The following ARHGEF11 variants were observed in gnomAD, a reference collection of about 807,000 sequenced individuals.
ARHGEF11 encodes Rho guanine nucleotide exchange factor 11.
Under a neutral mutation model 193.7 loss-of-function variants are expected in ARHGEF11, and 55 were observed. The observed-to-expected ratio is 0.28, with a 90% CI of 0.23 to 0.36. ARHGEF11 has a LOEUF of 0.36. Among genes scored for constraint, ARHGEF11 ranks in the 10% least tolerant of loss-of-function variants. The pLI, the probability that ARHGEF11 is intolerant of heterozygous loss-of-function variation, is 1.00. For missense variants in ARHGEF11, 1,723 were observed against 2,005.6 expected, an observed-to-expected ratio of 0.86 and a Z score of 2.69; for synonymous variants, 693 against 768.0, an observed-to-expected ratio of 0.90 and a Z score of 1.62.
chr1:156,947,909 G>A lies in ARHGEF11; in HGVS notation c.2201C>T (p.Pro734Leu). ...SLGFCTDTLL[P>L]HLLEDDLGQL... ...GCCCAGATCATCCTCTAGGAGGTGG[G>A]GAAGGAGGGTATCTGTGCAGAACCC... The change falls in exon 25 of 41, where the codon CCC (proline) becomes CTC (leucine). Residue 734 changes from proline (P) to leucine (L), a missense_variant. Physicochemically the swap from Pro to Leu is moderately conservative, Grantham distance 98. Around this residue, in one of 5 missense-constraint regions of ARHGEF11, gnomAD observed 491 missense variants for 654.5 expected, o/e 0.75. Coordinates refer to ENST00000368194, the MANE Select transcript of ARHGEF11 (RefSeq NM_198236.3). 6.2e-7 allele frequency: 1 copy of A among 1,614,086 alleles called. No homozygotes were observed. Among genetic ancestry groups the A allele is most frequent in the Non-Finnish European group, 8.5e-7 (1 of 1,180,016 alleles).
intron 1 of ARHGEF11, among the ~76,000 whole-genome samples, chr1:157,042,422 A>C (rs1249582489): frequency 6.6e-6 from 1 of 152,158 alleles, no homozygotes; most frequent in Non-Finnish European, 1.5e-5. Flanking sequence ...TGGGGCAATG[A>C]AAGAGCTACA....
At chr1:156,979,852 T>G (rs2102407781) in intron 4 of ARHGEF11, among the ~76,000 whole-genome samples, 1 of 152,346 alleles carries the variant, frequency 6.6e-6, no homozygotes, top group East Asian at 1.9e-4. Context: ...TTCATTCACT[T>G]ATTTTTGGTA....
At chr1:156,961,051 C>T (rs1264969348) in intron 14 of ARHGEF11, among the ~76,000 whole-genome samples, 1 of 152,232 alleles carries the variant, frequency 6.6e-6, no homozygotes, top group African/African-American at 2.4e-5. Flanking sequence ...CCTCATTAAC[C>T]CTACTAGCTT....
chr1:156,961,619 G>T, intron 14 of ARHGEF11, 58 bp downstream of exon 14: 1 of 1,486,616 alleles, frequency 6.7e-7, no homozygotes, highest in African/African-American at 1.4e-5. Flanking sequence ...AATTTTCCCT[G>T]CCTCTGAGTA....
At chr1:156,991,715 T>A (rs60703046) in intron 1 of ARHGEF11, among the ~76,000 whole-genome samples, 1,896 of 83,558 alleles carry the variant, frequency 0.023, 68 homozygotes, top group African/African-American at 0.088. Flanking sequence ...AGCTTATTTT[T>A]TTTTTTTTTT....
At chr1:156,957,654 G>T in intron 18 of ARHGEF11, 138 bp downstream of exon 18, 1 of 931,642 alleles carries the variant, frequency 1.1e-6, no homozygotes, top group Non-Finnish European at 1.7e-6. Flanking sequence ...CTGAGTGCTA[G>T]ACTTTCAGGA....
Position 156,948,960 on chromosome 1 carries a change from C to T in ARHGEF11, c.1926-462G>A, listed in dbSNP as rs568700073. On this transcript the variant is annotated intron_variant, in intron 22 of 40. Coordinates refer to ENST00000368194, the MANE Select transcript of ARHGEF11 (RefSeq NM_198236.3). This position sits in a 1 kb window ranked among gnomAD's most constrained non-coding sequence, Gnocchi z 4.2. ...GGGTCAGCTCCCACCTTTAACTCTG[C>T]CTGAGGCGAACCTCTTTTAAGAGGT... is the stretch of plus-strand genomic sequence containing the variant. The T allele has an allele frequency of 3.7e-5, 36 of 985,416 alleles. No individual in the cohort carries two copies. The South Asian group carries it at 5.6e-4, about 15-fold the overall frequency. 61.0% of individuals were successfully genotyped at this position (985,416 alleles called of 1,614,324 possible).
rs1032189702 is a variant in ARHGEF11, at chr1:156,949,148, C to T, written c.1926-650G>A. The T allele has an allele frequency of 3.1e-6, 3 of 981,444 alleles. No individual in the cohort carries two copies. The African/African-American group carries it at 5.2e-5, about 17-fold the overall frequency. The allele number at this position is 981,444 out of a possible 1,614,324, so 60.8% of individuals were successfully genotyped here. A position where few individuals can be genotyped will look rare whatever the true frequency, so the allele number is the denominator to read the frequency against. ...TACTGTTCCTAAGATTCCATTTCCTCTCAAGAGCAGACAGGCTTGTGCTTA... is the reference window on the plus strand; with the variant it reads ...TACTGTTCCTAAGATTCCATTTCCTTTCAAGAGCAGACAGGCTTGTGCTTA... On this transcript the variant is annotated intron_variant, in intron 22 of 40. Coordinates refer to ENST00000368194, the MANE Select transcript of ARHGEF11 (RefSeq NM_198236.3).
chr1:156,957,965 G>A, intron 17 of ARHGEF11, 150 bp from the exon 18 acceptor site: 1 of 699,612 alleles, frequency 1.4e-6, no homozygotes, highest in South Asian at 1.6e-5. Context: ...CAAGTATTTG[G>A]TACATAGCAG....
intron 4 of ARHGEF11, among the ~76,000 whole-genome samples, chr1:156,980,113 T>C (rs1210824606): frequency 6.6e-6 from 1 of 152,270 alleles, no homozygotes; most frequent in African/African-American, 2.4e-5. Flanking sequence ...AACCTGAGAA[T>C]TGAAGTCTTG....
chr1:157,031,670 C>T (rs931497041), intron 1 of ARHGEF11, among the ~76,000 whole-genome samples: 1 of 152,166 alleles, frequency 6.6e-6, no homozygotes, highest in African/African-American at 2.4e-5. Context: ...TCTCAGAAAC[C>T]ACAGTAGTGT....
chr1:156,955,598 G>A, intron 20 of ARHGEF11, 105 bp downstream of exon 20: 1 of 883,770 alleles, frequency 1.1e-6, no homozygotes, highest in Admixed American at 1.8e-5. Context: ...TTGGGCCTGT[G>A]GCTCCCAGAA....
chr1:156,980,584 T>A (rs1663986649), intron 3 of ARHGEF11, 98 bp from the exon 4 acceptor site: 25 of 1,355,366 alleles, frequency 1.8e-5, no homozygotes. Context: ...AAATTTCCTC[T>A]TATTTCTCTG....
chr1:156,966,771 A>C (rs1661723493), intron 11 of ARHGEF11, among the ~76,000 whole-genome samples: 1 of 152,266 alleles, frequency 6.6e-6, no homozygotes, highest in African/African-American at 2.4e-5. Context: ...CCTTTAACCA[A>C]GGCAGAATTG....
intron 1 of ARHGEF11, among the ~76,000 whole-genome samples, chr1:157,027,067 C>T (rs985207937): frequency 6.6e-6 from 1 of 152,166 alleles, no homozygotes; most frequent in South Asian, 2.1e-4. Flanking sequence ...TTTCAGGTAG[C>T]TGGTCAACAT....
chr1:157,033,287 C>G (rs188983837), intron 1 of ARHGEF11, among the ~76,000 whole-genome samples: 165 of 152,146 alleles, frequency 1.1e-3, no homozygotes, highest in African/African-American at 3.7e-3. Context: ...TGCAGTAGCC[C>G]AAGAGAAGGG....
intron 1 of ARHGEF11, among the ~76,000 whole-genome samples, chr1:156,987,774 A>C (rs1422235763): frequency 6.6e-6 from 1 of 152,162 alleles, no homozygotes; most frequent in Non-Finnish European, 1.5e-5. Context: ...ACATCAAGGA[A>C]GAAGAGAGCG....
intron 28 of ARHGEF11, 113 bp from the exon 29 acceptor site, chr1:156,946,275 G>C: frequency 4.9e-6 from 4 of 824,294 alleles, no homozygotes; most frequent in Non-Finnish European, 5.9e-6. Flanking sequence ...ACGCCAGATG[G>C]ATCACTCAGA....
intron 6 of ARHGEF11, among the ~76,000 whole-genome samples, chr1:156,977,402 T>C (rs550872178): frequency 1.3e-5 from 2 of 152,144 alleles, no homozygotes; most frequent in Non-Finnish European, 2.9e-5. Flanking sequence ...GTTCTCTTTC[T>C]ACTTGTTTTT....
Sources: gnomAD v4.1 joint callset for allele counts (sites outside exome capture counted in the v4.1 genomes callset) on GRCh38, gnomAD v4.1.1 for gene constraint, gnomAD v4.1.1 regional missense constraint, Gnocchi (gnomAD v3.1) non-coding constraint, MANE v1.5 for transcripts, NCBI Gene and HGNC (gene_info 2026-07-23, HGNC 2026-07-21) for gene names.